The following ERC2 variants were observed in gnomAD, a reference collection of about 807,000 sequenced individuals.
ERC2 encodes ERC protein 2.
Under a neutral mutation model 114.8 loss-of-function variants are expected in ERC2, and 42 were observed. That is an observed-to-expected ratio of 0.37 (90% CI 0.29 to 0.47). ERC2 has a LOEUF of 0.47. ERC2 is among the 20% of genes least tolerant of loss of function. The probability of loss-of-function intolerance (pLI) is 0.99; values close to 1 mark genes in which losing one functional copy is unlikely to be tolerated. For synonymous variants in ERC2, 454 were observed against 425.5 expected (o/e 1.07, Z -0.82); for missense variants, 939 against 1,150.7 (o/e 0.82, Z 2.66).
At chr3:56,101,973 T>G (rs1451048340) in intron 6 of ERC2, among the ~76,000 whole-genome samples, 1 of 152,210 alleles carries the variant, frequency 6.6e-6, no homozygotes, top group Non-Finnish European at 1.5e-5. Flanking sequence ...GGATTTTGAT[T>G]GGGCTACCTT....
At chr3:55,573,920 G>A (rs768417395) in intron 17 of ERC2, among the ~76,000 whole-genome samples, 5 of 152,146 alleles carry the variant, frequency 3.3e-5, no homozygotes, top group Admixed American at 1.3e-4. Flanking sequence ...TTGATGTAGC[G>A]CTTCTCCTCA....
chr3:55,751,650 A>T (rs1306258528), intron 14 of ERC2, among the ~76,000 whole-genome samples: 2 of 152,194 alleles, frequency 1.3e-5, no homozygotes, highest in African/African-American at 2.4e-5. Context: ...GATTTGAACT[A>T]GGACTTAAGG....
intron 3 of ERC2, among the ~76,000 whole-genome samples, chr3:56,201,549 T>C (rs1462551062): frequency 6.6e-6 from 1 of 152,188 alleles, no homozygotes; most frequent in Non-Finnish European, 1.5e-5. Context: ...AAGAATCTCA[T>C]TAAAATATGT....
chr3:55,538,544 A>G (rs1409636289), intron 17 of ERC2, among the ~76,000 whole-genome samples: 1 of 152,214 alleles, frequency 6.6e-6, no homozygotes, highest in Non-Finnish European at 1.5e-5. Flanking sequence ...GGATTTTTCC[A>G]TTTTAATTTT....
At chr3:55,747,317 T>A (rs908978928) in intron 14 of ERC2, among the ~76,000 whole-genome samples, 6 of 151,972 alleles carry the variant, frequency 3.9e-5, no homozygotes, top group African/African-American at 1.5e-4. Flanking sequence ...GTTTTTTTTT[T>A]AAAGAGGTCA....
intron 17 of ERC2, among the ~76,000 whole-genome samples, chr3:55,563,299 T>C (rs2056153732): frequency 6.6e-6 from 1 of 151,978 alleles, no homozygotes; most frequent in Admixed American, 6.6e-5. Context: ...TGCTGAAGAA[T>C]TGGTGAGTAT....
chr3:56,326,412 G>C (rs2057364252), intron 2 of ERC2, among the ~76,000 whole-genome samples: 1 of 152,090 alleles, frequency 6.6e-6, no homozygotes, highest in Admixed American at 6.6e-5. Context: ...AAGATAGTTT[G>C]AACAGTCTCA....
intron 17 of ERC2, among the ~76,000 whole-genome samples, chr3:55,539,853 A>C (rs2054276113): frequency 6.6e-6 from 1 of 152,138 alleles, no homozygotes; most frequent in Non-Finnish European, 1.5e-5. Flanking sequence ...TTATTTCAGT[A>C]ATGTTTATTA....
chr3:56,429,580 C>T (rs1320403085), intron 2 of ERC2, among the ~76,000 whole-genome samples: 3 of 152,220 alleles, frequency 2.0e-5, no homozygotes, highest in Admixed American at 6.5e-5. Flanking sequence ...CAAGATAACA[C>T]TGCATCCGTG....
At chr3:55,813,259 G>A (rs1042823806) in intron 14 of ERC2, among the ~76,000 whole-genome samples, 3 of 152,124 alleles carry the variant, frequency 2.0e-5, no homozygotes, top group Non-Finnish European at 4.4e-5. Context: ...GTTCCTCCTA[G>A]CCACACTGGG....
intron 2 of ERC2, among the ~76,000 whole-genome samples, chr3:56,375,825 T>C (rs1055050649): frequency 3.3e-5 from 5 of 152,214 alleles, no homozygotes; most frequent in Admixed American, 1.3e-4. Flanking sequence ...AACCATGATT[T>C]CTGCCAGCTT....
intron 13 of ERC2, among the ~76,000 whole-genome samples, chr3:55,945,534 A>T (rs1027123615): frequency 6.6e-6 from 1 of 152,134 alleles, no homozygotes; most frequent in African/African-American, 2.4e-5. Flanking sequence ...ATAATGAACT[A>T]TATGTTTTGC....
intron 7 of ERC2, among the ~76,000 whole-genome samples, chr3:56,027,358 A>G (rs1298704155): frequency 1.3e-5 from 2 of 152,192 alleles, no homozygotes; most frequent in Admixed American, 1.3e-4. Flanking sequence ...GCTGGGTTGA[A>G]TGGAAGTTGT....
chr3:56,112,605 G>A (rs1228889327), intron 6 of ERC2, among the ~76,000 whole-genome samples: 1 of 152,072 alleles, frequency 6.6e-6, no homozygotes. Flanking sequence ...ATTAAAAGGT[G>A]ATCCTGGAAT....
At chr3:55,730,757 G>A (rs2065205137) in intron 15 of ERC2, among the ~76,000 whole-genome samples, 1 of 152,164 alleles carries the variant, frequency 6.6e-6, no homozygotes. Context: ...CTGCTGAGGT[G>A]GGAGGATCAC....
chr3:56,405,621 A>C (rs2060686029), intron 2 of ERC2, among the ~76,000 whole-genome samples: 1 of 148,428 alleles, frequency 6.7e-6, no homozygotes, highest in South Asian at 2.1e-4. Flanking sequence ...GGATAGATGG[A>C]TGGAGATAGA....
At chr3:56,364,145 C>A (rs947365396) in intron 2 of ERC2, among the ~76,000 whole-genome samples, 6 of 152,064 alleles carry the variant, frequency 3.9e-5, no homozygotes, top group Admixed American at 3.3e-4. Context: ...AGAGAAGGGG[C>A]AAATAGTATA....
chr3:56,140,914 C>G (rs1390373369), intron 5 of ERC2, among the ~76,000 whole-genome samples: 1 of 152,122 alleles, frequency 6.6e-6, no homozygotes, highest in East Asian at 1.9e-4. Flanking sequence ...TTCCCAGCTA[C>G]TCGGGAGGCT....
chr3:56,015,519 T>C (rs1421649016), intron 8 of ERC2, among the ~76,000 whole-genome samples: 1 of 152,188 alleles, frequency 6.6e-6, no homozygotes, highest in Non-Finnish European at 1.5e-5. Flanking sequence ...GTTCCATCCA[T>C]GTCCCTGCAA....
Sources: gnomAD v4.1 joint callset for allele counts (sites outside exome capture counted in the v4.1 genomes callset) on GRCh38, gnomAD v4.1.1 for gene constraint, MANE v1.5 for transcripts, NCBI Gene and HGNC (gene_info 2026-07-23, HGNC 2026-07-21) for gene names.